Variants in KIF2C observed in about 807,000 individuals in gnomAD.
The protein encoded by KIF2C is kinesin-like protein KIF2C.
A neutral mutation model predicts 97.4 loss-of-function variants in KIF2C; 34 were observed. The ratio of observed to expected loss-of-function variants is 0.35; its 90% CI spans 0.27 to 0.46. KIF2C has a LOEUF of 0.46. Ranked by LOEUF, KIF2C falls within the 20% of genes least tolerant of loss-of-function variation. The pLI is 1.00. For synonymous variants in KIF2C, 313 were observed against 318.2 expected, an observed-to-expected ratio of 0.98 and a Z score of 0.17; for missense variants, 750 against 907.6, an observed-to-expected ratio of 0.83 and a Z score of 2.23.
intron 16 of KIF2C, among the ~76,000 whole-genome samples, chr1:44,761,372 G>A (rs917873262): frequency 3.3e-5 from 5 of 152,176 alleles, no homozygotes; most frequent in South Asian, 2.1e-4. Context: ...TTGGGAGGCC[G>A]AGAGGCAGGT....
At chr1:44,742,669 A>G in intron 2 of KIF2C, among the ~76,000 whole-genome samples, 1 of 149,214 alleles carries the variant, frequency 6.7e-6, no homozygotes, top group Non-Finnish European at 1.5e-5. Flanking sequence ...CAGTGAGCTG[A>G]GATCATGCCA....
At chr1:44,757,481 C>T in intron 10 of KIF2C, 75 bp from the exon 11 acceptor site, 1 of 940,964 alleles carries the variant, frequency 1.1e-6, no homozygotes, top group Non-Finnish European at 1.8e-6. Context: ...TAGAACTCTG[C>T]AGTGGAAGGG....
intron 13 of KIF2C, 75 bp from the exon 14 acceptor site, chr1:44,759,131 G>A: frequency 6.3e-7 from 1 of 1,588,620 alleles, no homozygotes; most frequent in Non-Finnish European, 8.6e-7. Context: ...AGCTGGGCAG[G>A]CTAGTAGGAG....
chr1:44,766,917 C>T lies in KIF2C; in HGVS notation c.2063C>T (p.Ala688Val). 1 of 1,614,212 alleles carries T rather than the reference C, an allele frequency of 6.2e-7. No individual in the cohort carries two copies. The highest frequency in any genetic ancestry group is 8.5e-7 in the Non-Finnish European group (1 of 1,180,030). The change falls in exon 20 of 21, where the codon GCC becomes GTC. Residue 688 changes from alanine (A) to valine (V), a missense_variant. Physicochemically the swap from Ala to Val is moderately conservative, Grantham distance 64. Transcript: ENST00000372224. ...GTGAACAAAGCGGAATCTGCTCTGG[C>T]CCAGCAAGCCAAGCATTTCTCAGCC... ...TFVNKAESAL[A>V]QQAKHFSALR...
chr1:44,757,160 A>T (rs1326578112), intron 10 of KIF2C, among the ~76,000 whole-genome samples: 1 of 151,108 alleles, frequency 6.6e-6, no homozygotes, highest in Non-Finnish European at 1.5e-5. Flanking sequence ...CAGGTGATCC[A>T]CACACTTCGG....
chr1:44,741,371 ATC>A (rs1226030057), intron 2 of KIF2C, among the ~76,000 whole-genome samples: 1 of 145,006 alleles, frequency 6.9e-6, no homozygotes, highest in Non-Finnish European at 1.5e-5. Context: ...GACAGTGAGA[ATC>A]TGTCTCAAAA....
At position 44,741,119 on chromosome 1, in the gene KIF2C, AC is replaced by A. The variant is rs1260790525; in HGVS notation, c.165+113del. The A allele has an allele frequency of 3.8e-6, 3 of 779,484 alleles. No individual in the cohort carries two copies. The African/African-American group carries it at 5.2e-5, about 14-fold the overall frequency. The allele number at this position is 779,484 out of a possible 1,614,324, so 48.3% of individuals were successfully genotyped here. ...TTCTGATGCTGTGCTCTTCTCACTC[AC>A]GCCTGTAATCCCAGAACTTTGGGAG... On this transcript the variant is annotated intron_variant, in intron 2 of 20. Coordinates refer to ENST00000372224, the MANE Select transcript of KIF2C (RefSeq NM_006845.4).
At chr1:44,741,374 T>G (rs1324213315) in intron 2 of KIF2C, among the ~76,000 whole-genome samples, 3 of 142,364 alleles carry the variant, frequency 2.1e-5, no homozygotes, top group African/African-American at 7.9e-5. Flanking sequence ...AGTGAGAATC[T>G]GTCTCAAAAA....
chr1:44,751,281 C>T (rs1416719928), intron 5 of KIF2C, among the ~76,000 whole-genome samples: 1 of 151,100 alleles, frequency 6.6e-6, no homozygotes. Context: ...CTGCAACTTC[C>T]GCCTCCTAGG....
chr1:44,740,857 A>G (rs768986926), intron 1 of KIF2C, 56 bp from the exon 2 acceptor site: 541 of 1,237,648 alleles, frequency 4.4e-4, no homozygotes, highest in Non-Finnish European at 5.3e-4. Context: ...GTGGAATCCT[A>G]AAAGTGAAGC....
chr1:44,740,411 C>A (rs1648874578), intron 1 of KIF2C, among the ~76,000 whole-genome samples: 1 of 152,162 alleles, frequency 6.6e-6, no homozygotes, highest in South Asian at 2.1e-4. Flanking sequence ...AAGAACCCTG[C>A]GCTTGAGGAG....
chr1:44,753,712 T>A, intron 6 of KIF2C, 21 bp from the exon 7 acceptor site: 1 of 1,537,190 alleles, frequency 6.5e-7, no homozygotes. Context: ...TTTTTTTTCT[T>A]TTTTTTTTAT....
At chr1:44,746,726 G>T in intron 2 of KIF2C, 1 of 1,610,150 alleles carries the variant, frequency 6.2e-7, no homozygotes, top group South Asian at 1.1e-5. Context: ...TCTACCATTG[G>T]CTTGGAAATC....
chr1:44,766,895 A>C lies in KIF2C; in HGVS notation c.2041A>C (p.Asn681His). Residue 681 changes from asparagine to histidine, a missense_variant, in exon 20 of 21, where the codon AAC becomes CAC. Coordinates refer to ENST00000372224, the MANE Select transcript of KIF2C (RefSeq NM_006845.4). ...QPDYDLETFV[N>H]KAESALAQQA... ...AGACTATGACCTGGAGACCTTTGTG[A>C]ACAAAGCGGAATCTGCTCTGGCCCA... 6.2e-7 allele frequency: 1 copy of C among 1,614,180 alleles called. No homozygotes were observed. The highest frequency in any genetic ancestry group is 8.5e-7 in the Non-Finnish European group (1 of 1,180,006).
At chr1:44,747,815 C>T in intron 4 of KIF2C, 115 bp downstream of exon 4, 1 of 825,450 alleles carries the variant, frequency 1.2e-6, no homozygotes, top group Non-Finnish European at 2.0e-6. Flanking sequence ...GGGTTGAGTC[C>T]TGCCTGTGTT....
At chr1:44,751,190 A>G (rs1649491542) in intron 5 of KIF2C, among the ~76,000 whole-genome samples, 1 of 50,550 alleles carries the variant, frequency 2.0e-5, no homozygotes, top group Non-Finnish European at 3.8e-5. Flanking sequence ...GTATTTTATT[A>G]TTTATTTATT....
chr1:44,762,039 A>G (rs567816381), intron 17 of KIF2C, 56 bp downstream of exon 17: 1 of 1,488,934 alleles, frequency 6.7e-7, no homozygotes, highest in Admixed American at 1.7e-5. Flanking sequence ...AGGGAAGGGC[A>G]GTGATGAGAG....
At chr1:44,758,265 T>C (rs1210984523) in intron 13 of KIF2C, 125 bp downstream of exon 13, 6 of 772,512 alleles carry the variant, frequency 7.8e-6, no homozygotes, top group Non-Finnish European at 1.3e-5. Flanking sequence ...TGATGGGCCA[T>C]TCTGCCCTGG....
At position 44,762,592 on chromosome 1, in the gene KIF2C, C is replaced by T. The variant is rs369365260; in HGVS notation, c.1905C>T (p.Asn635=). Residue 635 remains asparagine (N), a synonymous_variant, in exon 19 of 21, where the codon AAC becomes AAT. Coordinates refer to ENST00000372224, the MANE Select transcript of KIF2C (RefSeq NM_006845.4). ...EELSSQMSSF[N]EAMTQIRELE... is the part of the protein sequence containing the mutation. ...TGTCTTCCCAGATGTCCAGCTTTAA[C>T]GAAGCCATGACTCAGATCAGGGAGC... 19 of 1,613,978 alleles carry T rather than the reference C, an allele frequency of 1.2e-5. No individual in the cohort carries two copies. The East Asian group carries it at 1.6e-4, about 13-fold the overall frequency.
Sources: allele counts gnomAD v4.1 joint callset (sites outside exome capture counted in the v4.1 genomes callset), GRCh38; gene constraint gnomAD v4.1.1; transcripts MANE v1.5; gene names NCBI Gene and HGNC (gene_info 2026-07-23, HGNC 2026-07-21).